The following UBR1 variants were observed in gnomAD, a reference collection of about 807,000 sequenced individuals.
The protein encoded by UBR1 is ubiquitin protein ligase E3 component n-recognin 1.
Under a neutral mutation model 242.1 loss-of-function variants are expected in UBR1, and 102 were observed. That is an observed-to-expected ratio of 0.42 (90% confidence interval 0.36 to 0.50). The LOEUF (loss-of-function observed/expected upper bound fraction) is 0.50. UBR1 is among the 20% of genes least tolerant of loss of function. The pLI is 0.01. For synonymous variants in UBR1, 675 were observed against 684.8 expected (o/e 0.99, Z 0.22); for missense variants, 1,772 against 2,101.8 (o/e 0.84, Z 3.07).
chr15:43,006,111 A>G (rs1372790686), intron 30 of UBR1, among the ~76,000 whole-genome samples: 3 of 150,592 alleles, frequency 2.0e-5, no homozygotes. Flanking sequence ...AAAAAGAAAA[A>G]AAAAAAAAGA....
intron 1 of UBR1, among the ~76,000 whole-genome samples, chr15:43,086,864 A>G (rs554421213): frequency 2.6e-5 from 4 of 152,282 alleles, no homozygotes; most frequent in Non-Finnish European, 5.9e-5. Context: ...AATGCTAACT[A>G]GGCCAAAAGT....
In UBR1 at chr15:43,083,985, G is replaced by A. The variant is rs570725276; in HGVS notation, c.339-1269C>T. 7.2e-5 allele frequency among the ~76,000 whole-genome samples: 11 copies of A among 152,066 alleles called. No homozygotes were observed. In the South Asian group the frequency reaches 8.3e-4, roughly 11 times the overall value. ...CTTGAACCTGGGAGGTGGAGGTTGC[G>A]GGTGAGCTGAGATAGCGCCACTGTA... On this transcript the variant is annotated intron_variant, in intron 2 of 46. Transcript: ENST00000290650.
intron 4 of UBR1, among the ~76,000 whole-genome samples, chr15:43,071,144 A>C (rs1353162357): frequency 2.6e-5 from 4 of 152,190 alleles, no homozygotes; most frequent in Non-Finnish European, 5.9e-5. Context: ...AAGGAGGCAG[A>C]ACCATGAAGT....
At chr15:43,074,404 C>CT (rs1239535146) in intron 4 of UBR1, among the ~76,000 whole-genome samples, 2 of 152,102 alleles carry the variant, frequency 1.3e-5, no homozygotes, top group Non-Finnish European at 1.5e-5. Context: ...TAATTACTTC[C>CT]TTTTGTTCAT....
intron 1 of UBR1, among the ~76,000 whole-genome samples, chr15:43,094,176 T>C (rs2034134244): frequency 6.6e-6 from 1 of 152,138 alleles, no homozygotes; most frequent in South Asian, 2.1e-4. Flanking sequence ...TCAGCTGTAA[T>C]CCCAACACTT....
intron 22 of UBR1, among the ~76,000 whole-genome samples, chr15:43,027,446 T>C (rs1430842358): frequency 1.3e-5 from 2 of 152,060 alleles, no homozygotes; most frequent in Non-Finnish European, 1.5e-5. Flanking sequence ...AAAATTAGCA[T>C]ATAAAATAAA....
At chr15:42,979,667 C>G (rs191306413) in intron 37 of UBR1, among the ~76,000 whole-genome samples, 1 of 152,284 alleles carries the variant, frequency 6.6e-6, no homozygotes, top group African/African-American at 2.4e-5. Context: ...CCTCCTGCCT[C>G]AGCCTCCCAA....
At chr15:43,070,248 TAA>T (rs746635905) in intron 5 of UBR1, among the ~76,000 whole-genome samples, 96 of 25,258 alleles carry the variant, frequency 3.8e-3, no homozygotes, top group African/African-American at 6.2e-3. Flanking sequence ...GAGTTCTAGC[TAA>T]AAAAAAAAAA....
At chr15:43,060,576 C>G (rs899478472) in intron 6 of UBR1, among the ~76,000 whole-genome samples, 5 of 152,212 alleles carry the variant, frequency 3.3e-5, no homozygotes, top group African/African-American at 9.6e-5. Context: ...CATGCAAGGT[C>G]TATGTAGGAT....
chr15:43,026,344 A>C (rs1027996330), intron 23 of UBR1: 1 of 476,484 alleles, frequency 2.1e-6, no homozygotes, highest in South Asian at 2.6e-5. Context: ...CCTCTTCCCA[A>C]AACAGCTATT....
chr15:43,007,341 T>C, intron 29 of UBR1, 57 bp from the exon 30 acceptor site: 1 of 1,517,466 alleles, frequency 6.6e-7, no homozygotes, highest in Non-Finnish European at 9.1e-7. Flanking sequence ...TGTCTTCATA[T>C]TTTGGTAGAT....
chr15:43,075,775 C>G (rs1023558385), intron 3 of UBR1, among the ~76,000 whole-genome samples: 5 of 151,870 alleles, frequency 3.3e-5, no homozygotes. Flanking sequence ...ACCACCACGC[C>G]TGGCTAATTT....
At chr15:43,058,112 G>A (rs1359951724) in intron 10 of UBR1, among the ~76,000 whole-genome samples, 2 of 152,046 alleles carry the variant, frequency 1.3e-5, no homozygotes, top group Non-Finnish European at 2.9e-5. Flanking sequence ...GTTTCACCGT[G>A]TTGGCCAGGC....
At chr15:43,071,347 C>A (rs1028482743) in intron 4 of UBR1, among the ~76,000 whole-genome samples, 1 of 152,068 alleles carries the variant, frequency 6.6e-6, no homozygotes, top group Admixed American at 6.5e-5. Context: ...GAAATAGAAC[C>A]CAGCCAGTCA....
chr15:43,095,492 C>A (rs1488443622), intron 1 of UBR1, among the ~76,000 whole-genome samples: 3 of 150,462 alleles, frequency 2.0e-5, no homozygotes, highest in Admixed American at 6.6e-5. Context: ...GTTTACTTAC[C>A]ACAGCATATT....
intron 29 of UBR1, among the ~76,000 whole-genome samples, chr15:43,010,326 GAA>G (rs757798731): frequency 7.1e-6 from 1 of 141,756 alleles, no homozygotes. Context: ...AGTACTACAT[GAA>G]AAAAAAAAAA....
intron 35 of UBR1, among the ~76,000 whole-genome samples, chr15:42,987,666 T>G (rs1408372242): frequency 6.8e-6 from 1 of 147,076 alleles, no homozygotes; most frequent in African/African-American, 2.6e-5. Context: ...GTGGCCGAGA[T>G]TGTGCCACTG....
intron 3 of UBR1, among the ~76,000 whole-genome samples, chr15:43,075,988 T>C (rs1000849669): frequency 1.3e-5 from 2 of 149,092 alleles, no homozygotes; most frequent in East Asian, 1.9e-4. Flanking sequence ...TCTCCCTCTC[T>C]CCACGGTCTC....
chr15:43,037,241 G>T (rs1390358651), intron 17 of UBR1, among the ~76,000 whole-genome samples: 1 of 151,670 alleles, frequency 6.6e-6, no homozygotes, highest in African/African-American at 2.4e-5. Flanking sequence ...CCAGCTACTG[G>T]GGAGGCTGAG....
Sources: gnomAD v4.1 joint callset for allele counts (sites outside exome capture counted in the v4.1 genomes callset) on GRCh38, gnomAD v4.1.1 for gene constraint, MANE v1.5 for transcripts, NCBI Gene and HGNC (gene_info 2026-07-23, HGNC 2026-07-21) for gene names.